Variants in NDRG3 observed in about 807,000 individuals in gnomAD.
NDRG3 encodes the protein protein NDRG3.
In NDRG3, 23 loss-of-function variants were observed where a neutral mutation model predicts 57.2. The ratio of observed to expected loss-of-function variants is 0.40; its 90% confidence interval spans 0.29 to 0.57. The LOEUF is 0.57. Ranked by LOEUF, NDRG3 falls within the 20% of genes least tolerant of loss-of-function variation. The pLI, the probability that NDRG3 is intolerant of heterozygous loss-of-function variation, is 0.42. For synonymous variants in NDRG3, 132 were observed against 162.6 expected, an observed-to-expected ratio of 0.81 and a Z score of 1.43; for missense variants, 384 against 457.3, an observed-to-expected ratio of 0.84 and a Z score of 1.46.
At chr20:36,682,668 C>A in intron 6 of NDRG3, 90 bp from the exon 7 acceptor site, 2 of 1,091,616 alleles carry the variant, frequency 1.8e-6, no homozygotes, top group South Asian at 1.4e-5. Flanking sequence ...GGGTTGAAAT[C>A]CTGGCTCTGA....
At chr20:36,664,336 AT>A (rs1204139217) in intron 12 of NDRG3, among the ~76,000 whole-genome samples, 1 of 151,956 alleles carries the variant, frequency 6.6e-6, no homozygotes, top group African/African-American at 2.4e-5. Context: ...CTATTTTTAA[AT>A]TTTTTTCATA....
chr20:36,734,668 G>A (rs1274564254), intron 1 of NDRG3, among the ~76,000 whole-genome samples: 2 of 152,036 alleles, frequency 1.3e-5, no homozygotes, highest in African/African-American at 4.8e-5. Flanking sequence ...TGACATTTTA[G>A]GCCAGATGAT....
chr20:36,663,109 C>T (rs911432335), intron 12 of NDRG3, among the ~76,000 whole-genome samples: 2 of 152,138 alleles, frequency 1.3e-5, no homozygotes, highest in Middle Eastern at 3.2e-3. Context: ...TATAAAGTTG[C>T]TTCTTGATAA....
chr20:36,712,581 ATATATATTTTTTT>A (rs1299757038), intron 2 of NDRG3, among the ~76,000 whole-genome samples: 1 of 13,404 alleles, frequency 7.5e-5, no homozygotes, highest in South Asian at 3.8e-3. Flanking sequence ...ATATATATAT[ATATATATTTTTTT>A]TTTTTTTTTT....
At chr20:36,743,878 G>C (rs1331361918) in intron 1 of NDRG3, among the ~76,000 whole-genome samples, 1 of 149,734 alleles carries the variant, frequency 6.7e-6, no homozygotes, top group Non-Finnish European at 1.5e-5. Context: ...AATCGTGAGT[G>C]CACGTTCAAG....
chr20:36,688,679 G>A lies in NDRG3; in HGVS notation c.199C>T (p.His67Tyr), dbSNP rs756097108. Reference protein sequence around the residue: ...ILTYHDIGLNHKSCFNAFFNF... With the variant: ...ILTYHDIGLNYKSCFNAFFNF... ...GGAAGGTGTAAAATAAAATACATAC[G>A]GTTGAGGCCAATGTCATGATATGTT... Residue 67 changes from histidine (H) to tyrosine (Y), a missense_variant and splice_region_variant, in exon 4 of 16, where the codon CAT becomes TAT. Coordinates refer to ENST00000349004, the MANE Select transcript of NDRG3 (RefSeq NM_032013.4). The A allele has an allele frequency of 5.6e-6, 9 of 1,604,150 alleles. No homozygotes were observed. Among genetic ancestry groups the A allele is most frequent in the African/African-American group, 2.7e-5 (2 of 74,694 alleles).
chr20:36,744,818 C>T (rs907238463), intron 1 of NDRG3, among the ~76,000 whole-genome samples: 7 of 152,192 alleles, frequency 4.6e-5, no homozygotes, highest in African/African-American at 1.7e-4. Flanking sequence ...AGGCAGAAAG[C>T]CTCGGACAGA....
chr20:36,697,949 TTTTTTTC>T (rs1411814155), intron 3 of NDRG3, among the ~76,000 whole-genome samples: 2 of 150,450 alleles, frequency 1.3e-5, no homozygotes, highest in East Asian at 1.9e-4. Context: ...AATTTGCGAG[TTTTTTTC>T]TTTTTTCTTT....
intron 1 of NDRG3, among the ~76,000 whole-genome samples, chr20:36,729,809 T>C (rs1600966702): frequency 6.6e-6 from 1 of 152,014 alleles, no homozygotes; most frequent in African/African-American, 2.4e-5. Context: ...ATTACAGGCA[T>C]GAGCCACCAT....
At chr20:36,680,772 G>A in intron 8 of NDRG3, 44 bp downstream of exon 8, 2 of 1,521,444 alleles carry the variant, frequency 1.3e-6, no homozygotes, top group Non-Finnish European at 1.8e-6. Flanking sequence ...GCTGTTTTGA[G>A]ATGGGCCAAG....
In NDRG3 at chr20:36,666,292, T is replaced by C; in HGVS notation, c.689A>G (p.Asn230Ser). The part of the protein sequence containing the change: ...DNLQLFLNSY[N>S]GRRDLEIERP... ...AAGAAACAGGAAAAAACTATACCCATTGTAGGAATTCAAGAAGAGCTGCAG... is the reference window on the plus strand; with the variant it reads ...AAGAAACAGGAAAAAACTATACCCACTGTAGGAATTCAAGAAGAGCTGCAG... The change falls in exon 10 of 16, where the codon AAT becomes AGT. Residue 230 changes from asparagine to serine, a missense_variant. Coordinates refer to ENST00000349004, the MANE Select transcript of NDRG3 (RefSeq NM_032013.4). 1 of 1,608,528 alleles carries C rather than the reference T, an allele frequency of 6.2e-7. No homozygotes were observed. The highest frequency in any genetic ancestry group is 8.5e-7 in the Non-Finnish European group (1 of 1,175,020).
chr20:36,726,334 G>A (rs755560993), intron 1 of NDRG3, among the ~76,000 whole-genome samples: 1 of 152,130 alleles, frequency 6.6e-6, no homozygotes, highest in Non-Finnish European at 1.5e-5. Flanking sequence ...CCCAATGCAG[G>A]CTCAGGCGAC....
At chr20:36,735,204 G>A (rs1250556882) in intron 1 of NDRG3, among the ~76,000 whole-genome samples, 1 of 152,140 alleles carries the variant, frequency 6.6e-6, no homozygotes, top group African/African-American at 2.4e-5. Context: ...CACCCCAGTG[G>A]CACATGTTGA....
chr20:36,681,932 A>G (rs1159621772), intron 7 of NDRG3, among the ~76,000 whole-genome samples: 1 of 152,084 alleles, frequency 6.6e-6, no homozygotes, highest in Non-Finnish European at 1.5e-5. Flanking sequence ...TCCTGACCTC[A>G]GGTGATCCAC....
In NDRG3 at chr20:36,680,489, A is replaced by G. The variant is rs539011320; in HGVS notation, c.531+327T>C. ...AACAGAGTGAGACTCCATCTCAAAA[A>G]AAAAAAAAAAATACAGTTTCTATGA... On this transcript the variant is annotated intron_variant, in intron 8 of 15. Coordinates refer to ENST00000349004, the MANE Select transcript of NDRG3 (RefSeq NM_032013.4). 3.1e-4 allele frequency among the ~76,000 whole-genome samples: 47 copies of G among 152,048 alleles called. No individual in the cohort carries two copies. In the South Asian group the frequency reaches 8.7e-3, roughly 28 times the overall value.
intron 6 of NDRG3, among the ~76,000 whole-genome samples, chr20:36,684,143 T>C (rs1981571009): frequency 6.6e-6 from 1 of 152,156 alleles, no homozygotes; most frequent in Admixed American, 6.6e-5. Context: ...TTTTAAATCT[T>C]CTAGGTCTCA....
intron 13 of NDRG3, among the ~76,000 whole-genome samples, chr20:36,659,219 T>C (rs1053371706): frequency 6.6e-6 from 1 of 152,154 alleles, no homozygotes; most frequent in Non-Finnish European, 1.5e-5. Flanking sequence ...GGATTATAGG[T>C]GTGAGCCACT....
intron 8 of NDRG3, among the ~76,000 whole-genome samples, chr20:36,677,124 G>A (rs1177715752): frequency 1.3e-5 from 2 of 152,196 alleles, no homozygotes; most frequent in Non-Finnish European, 2.9e-5. Context: ...GGACAAGCGG[G>A]AGCCGGGCCC....
At chr20:36,716,174 C>T (rs1215986931) in intron 2 of NDRG3, among the ~76,000 whole-genome samples, 1 of 152,040 alleles carries the variant, frequency 6.6e-6, no homozygotes, top group African/African-American at 2.4e-5. Context: ...TTCTAACACC[C>T]TCCTCCCTCC....
Sources: allele counts gnomAD v4.1 joint callset (sites outside exome capture counted in the v4.1 genomes callset), GRCh38; gene constraint gnomAD v4.1.1; transcripts MANE v1.5; gene names NCBI Gene and HGNC (gene_info 2026-07-23, HGNC 2026-07-21).